Variants in GOLGB1 observed in about 807,000 individuals in gnomAD.
GOLGB1 encodes golgin subfamily B member 1.
Under a neutral mutation model 336.9 loss-of-function variants are expected in GOLGB1, and 174 were observed. The observed-to-expected ratio is 0.52, with a 90% confidence interval of 0.46 to 0.59. The LOEUF (loss-of-function observed/expected upper bound fraction) is 0.59. Among genes scored for constraint, GOLGB1 ranks in the 20% least tolerant of loss-of-function variants. The pLI is 0.00. For synonymous variants in GOLGB1, 1,208 were observed against 1,289.2 expected, an observed-to-expected ratio of 0.94 and a Z score of 1.35; for missense variants, 3,331 against 3,645.3, an observed-to-expected ratio of 0.91 and a Z score of 2.22.
intron 15 of GOLGB1, 52 bp from the exon 16 acceptor site, chr3:121,677,502 T>C (rs761173835): frequency 3.2e-6 from 4 of 1,259,602 alleles, no homozygotes; most frequent in Non-Finnish European, 4.6e-6. Flanking sequence ...TAACTGGGCA[T>C]GGTAGCTCGC....
At chr3:121,715,747 C>G (rs1944715086) in intron 9 of GOLGB1, among the ~76,000 whole-genome samples, 1 of 151,964 alleles carries the variant, frequency 6.6e-6, no homozygotes, top group Non-Finnish European at 1.5e-5. Context: ...AATCCCAGCA[C>G]TTTGGGATGC....
At position 121,698,068 on chromosome 3, in the gene GOLGB1, C is replaced by T. The variant is rs751592753; in HGVS notation, c.2455G>A (p.Val819Ile). ...EAKSKDVKIE[V>I]LQNELDDVQL... is the part of the protein sequence containing the mutation. ...ACATCATCCAGTTCATTCTGTAAAA[C>T]TTCAATTTTCACATCTTTAGATTTG... The change falls in exon 13 of 22, where the codon GTT becomes ATT. Residue 819 changes from valine to isoleucine, a missense_variant. Val to Ile is a conservative substitution (Grantham distance 29, BLOSUM62 3). Transcript: ENST00000614479. The T allele has an allele frequency of 9.3e-6, 15 of 1,613,910 alleles. No homozygotes were observed. The highest frequency in any genetic ancestry group is 1.2e-5 in the Non-Finnish European group (14 of 1,179,972).
In GOLGB1 at chr3:121,697,786, A is replaced by T; in HGVS notation, c.2737T>A (p.Phe913Ile). 1 of 1,614,010 alleles carries T rather than the reference A, an allele frequency of 6.2e-7. No homozygotes were observed. The highest frequency in any genetic ancestry group is 1.7e-5 in the Admixed American group (1 of 60,018). Residue 913 changes from phenylalanine to isoleucine, a missense_variant, in exon 13 of 22, where the codon TTT becomes ATT. Transcript: ENST00000614479. ...TGAACCATTTTCTCAGTCATACTAAAGCTGATTTCTGTCACTTGTTGATCC... is the reference window on the plus strand; with the variant it reads ...TGAACCATTTTCTCAGTCATACTAATGCTGATTTCTGTCACTTGTTGATCC... ...EKDQQVTEIS[F>I]SMTEKMVQLN...
At chr3:121,664,778 G>A (rs2107507906) in intron 21 of GOLGB1, 148 bp downstream of exon 21, 1 of 773,766 alleles carries the variant, frequency 1.3e-6, no homozygotes, top group Non-Finnish European at 2.2e-6. Context: ...ATTCCACCAG[G>A]TTCTAATCTT....
At chr3:121,742,858 T>C (rs1452952541) in intron 1 of GOLGB1, among the ~76,000 whole-genome samples, 2 of 152,032 alleles carry the variant, frequency 1.3e-5, no homozygotes, top group Non-Finnish European at 2.9e-5. Context: ...AACAGACACA[T>C]GGAAAAATGC....
rs1212163688 is a variant in GOLGB1, at chr3:121,664,562, C to T, written c.9713G>A (p.Arg3238Gln). The T allele has an allele frequency of 6.2e-6, 10 of 1,612,788 alleles. No homozygotes were observed. The highest frequency in any genetic ancestry group is 3.3e-5 in the Admixed American group (2 of 59,990). The change falls in exon 22 of 22, where the codon CGG becomes CAG. Residue 3238 changes from arginine (R) to glutamine (Q), a missense_variant. By Grantham distance (43) the Arg-to-Gln change is conservative. Coordinates refer to ENST00000614479, the MANE Select transcript of GOLGB1 (RefSeq NM_001366282.2). Reference sequence around the variant, plus strand: ...GGCTGCTAGAAGTGGCACTCGGGTCCGTGAATGACAGAGTGAACGCAGGAC... The same window carrying T: ...GGCTGCTAGAAGTGGCACTCGGGTCTGTGAATGACAGAGTGAACGCAGGAC... ...KRVLRSLCHS[R>Q]TRVPLLAAIY...
chr3:121,689,232 T>C (rs1401898915), intron 14 of GOLGB1, among the ~76,000 whole-genome samples: 1 of 152,196 alleles, frequency 6.6e-6, no homozygotes, highest in Non-Finnish European at 1.5e-5. Flanking sequence ...GGGAAAAGAT[T>C]GAGAAATCGG....
Position 121,695,135 on chromosome 3 carries a change from C to A in GOLGB1, c.5388G>T (p.Gln1796His), listed in dbSNP as rs756135871. ...NQTNVTEEGTQSIPGETEEQD... is the reference protein window; with the variant it reads ...NQTNVTEEGTHSIPGETEEQD... ...GCTCTTCAGTCTCACCTGGTATAGACTGTGTTCCCTCTTCAGTGACATTCG... is the reference window on the plus strand; with the variant it reads ...GCTCTTCAGTCTCACCTGGTATAGAATGTGTTCCCTCTTCAGTGACATTCG... The change falls in exon 13 of 22, where the codon CAG becomes CAT. Residue 1796 changes from glutamine to histidine, a missense_variant. Physicochemically the swap from Gln to His is conservative, Grantham distance 24. Coordinates refer to ENST00000614479, the MANE Select transcript of GOLGB1 (RefSeq NM_001366282.2). 3 of 1,613,702 alleles carry A rather than the reference C, an allele frequency of 1.9e-6. No homozygotes were observed. The highest frequency in any genetic ancestry group is 2.5e-6 in the Non-Finnish European group (3 of 1,179,916).
chr3:121,743,463 G>A (rs920302735), intron 1 of GOLGB1, among the ~76,000 whole-genome samples: 13 of 152,188 alleles, frequency 8.5e-5, no homozygotes, highest in African/African-American at 3.1e-4. Flanking sequence ...GGGACCTGTT[G>A]GAGGTTGGGG....
Position 121,695,755 on chromosome 3 carries a change from T to C in GOLGB1, c.4768A>G (p.Lys1590Glu), listed in dbSNP as rs898795536. 1 of 1,612,168 alleles carries C rather than the reference T, an allele frequency of 6.2e-7. No homozygotes were observed. The change falls in exon 13 of 22, where the codon AAG (lysine) becomes GAG (glutamate). Residue 1590 changes from lysine (K) to glutamate (E), a missense_variant. Lys to Glu is a moderately conservative substitution (Grantham distance 56). Transcript: ENST00000614479. ...ALEGLTEDKE[K>E]LVKEIESLKS... ...AAAGATTCAATTTCCTTCACTAACT[T>C]TTCCTTGTCTTCAGTAAGACCCTCT...
intron 1 of GOLGB1, among the ~76,000 whole-genome samples, chr3:121,742,528 T>C (rs935420945): frequency 5.3e-5 from 8 of 152,120 alleles, no homozygotes; most frequent in Non-Finnish European, 8.8e-5. Flanking sequence ...GAAGAAAACC[T>C]AGGCAATACC....
intron 5 of GOLGB1, among the ~76,000 whole-genome samples, chr3:121,725,835 G>A (rs1249339154): frequency 6.6e-6 from 1 of 152,006 alleles, no homozygotes; most frequent in African/African-American, 2.4e-5. Context: ...AGAGACCTGA[G>A]CTGGCAAATT....
intron 1 of GOLGB1, among the ~76,000 whole-genome samples, chr3:121,745,302 GTATA>G (rs1382443288): frequency 4.0e-5 from 6 of 148,902 alleles, no homozygotes; most frequent in African/African-American, 1.5e-4. Context: ...ATACGTGTAT[GTATA>G]TATACATATG....
At chr3:121,711,339 C>CA (rs1560273857) in intron 10 of GOLGB1, among the ~76,000 whole-genome samples, 3 of 151,134 alleles carry the variant, frequency 2.0e-5, no homozygotes, top group Admixed American at 1.3e-4. Context: ...TAAGAAATAT[C>CA]AAAAAAACTA....
intron 14 of GOLGB1, 68 bp downstream of exon 14, chr3:121,690,602 T>A (rs1942318550): frequency 1.3e-6 from 1 of 794,626 alleles, no homozygotes; most frequent in African/African-American, 1.7e-5. Flanking sequence ...TCCTTTTCTA[T>A]AAAAATAAAT....
In GOLGB1 at chr3:121,668,074, C is replaced by T; in HGVS notation, c.9406G>A (p.Glu3136Lys). Residue 3136 changes from glutamate to lysine, a missense_variant, in exon 19 of 22, where the codon GAA (glutamate) becomes AAA (lysine). Coordinates refer to ENST00000614479, the MANE Select transcript of GOLGB1 (RefSeq NM_001366282.2). ...HRKSDPEELR[E>K]PQQSFSEAQQ... ...CCACTCCCCTACCTTTGCTGCGGTT[C>T]CCTTAGTTCCTCAGGGTCACTCTTT... The T allele has an allele frequency of 6.3e-7, 1 of 1,591,958 alleles. No individual in the cohort carries two copies. Among genetic ancestry groups the T allele is most frequent in the Non-Finnish European group, 8.6e-7 (1 of 1,165,478 alleles).
At chr3:121,706,933 C>A (rs1363550093) in intron 10 of GOLGB1, among the ~76,000 whole-genome samples, 1 of 151,950 alleles carries the variant, frequency 6.6e-6, no homozygotes, top group East Asian at 1.9e-4. Flanking sequence ...CCATGACTGG[C>A]CAGGCACGGT....
intron 3 of GOLGB1, among the ~76,000 whole-genome samples, chr3:121,729,642 C>G (rs1003584431): frequency 6.6e-6 from 1 of 151,998 alleles, no homozygotes; most frequent in African/African-American, 2.4e-5. Context: ...ATCTCGAACT[C>G]CTGGCCTCAA....
In GOLGB1 at chr3:121,718,460, T is replaced by TTCTTCGTGTTCCTCAAGCTTCC; in HGVS notation, c.791_812dup (p.Ser272GlufsTer3). On this transcript the variant is annotated stop_gained and frameshift_variant, in exon 8 of 22. Transcript: ENST00000614479. LOFTEE classifies it high-confidence loss of function. Reference sequence around the variant, plus strand: ...CGACCTGAGCACGGCCCACCAAGGATTCTTCGTGTTCCTCAAGCTTCCTTT... The same window carrying TTCTTCGTGTTCCTCAAGCTTCC: ...CGACCTGAGCACGGCCCACCAAGGATTCTTCGTGTTCCTCAAGCTTCCTCTTCGTGTTCCTCAAGCTTCCTTT... The TTCTTCGTGTTCCTCAAGCTTCC allele has an allele frequency of 6.2e-7, 1 of 1,614,018 alleles. No individual in the cohort carries two copies. The highest frequency in any genetic ancestry group is 1.1e-5 in the South Asian group (1 of 91,086).
Sources: gnomAD v4.1 joint callset for allele counts (sites outside exome capture counted in the v4.1 genomes callset) on GRCh38, gnomAD v4.1.1 for gene constraint, MANE v1.5 for transcripts, NCBI Gene and HGNC (gene_info 2026-07-23, HGNC 2026-07-21) for gene names.